The following ADGRD2 variants were observed in gnomAD, a reference collection of about 807,000 sequenced individuals.
ADGRD2 encodes adhesion G protein-coupled receptor D2.
A neutral mutation model predicts 44.4 loss-of-function variants in ADGRD2; 71 were observed. That is an observed-to-expected ratio of 1.60 (90% CI 1.32 to 1.95). ADGRD2 has a LOEUF of 1.95. Among genes scored for constraint, ADGRD2 ranks in the 30% most tolerant of loss-of-function variants. The pLI is 0.00. For synonymous variants in ADGRD2, 481 were observed against 224.8 expected, an observed-to-expected ratio of 2.14 and a Z score of -10.19; for missense variants, 1,039 against 512.4, an observed-to-expected ratio of 2.03 and a Z score of -9.92.
chr9:124,472,312 C>T (rs531819863), intron 17 of ADGRD2, among the ~76,000 whole-genome samples: 1 of 152,306 alleles, frequency 6.6e-6, no homozygotes, highest in South Asian at 2.1e-4. Context: ...TCCCCCTCTC[C>T]CTGTGCCCTT....
exon 3 of ADGRD2, chr9:124,453,089 C>T: frequency 2.9e-6 from 2 of 692,408 alleles, no homozygotes; most frequent in Non-Finnish European, 5.3e-6. Flanking sequence ...GACCGGGCGG[C>T]GCGGCTGCGG....
exon 8 of ADGRD2, chr9:124,457,511 C>T (rs548647130): frequency 8.8e-6 from 6 of 681,046 alleles, no homozygotes; most frequent in Admixed American, 2.1e-5. Context: ...GAGGCCAGCA[C>T]GAGGGGCTGC....
intron 16 of ADGRD2, among the ~76,000 whole-genome samples, chr9:124,470,277 G>A (rs753951360): frequency 1.3e-5 from 2 of 152,188 alleles, no homozygotes; most frequent in Non-Finnish European, 2.9e-5. Context: ...TCTCCCAAGT[G>A]CCGCTACCCT....
exon 14 of ADGRD2, chr9:124,468,592 G>T (rs746884301): frequency 2.8e-6 from 2 of 718,452 alleles, no homozygotes; most frequent in Non-Finnish European, 5.2e-6. Context: ...CTGGTGGAGG[G>T]GCTGCTGCTG....
In ADGRD2 at chr9:124,454,091, C is replaced by T. The variant is rs1326955060; in HGVS notation, c.1018C>T (p.Arg340Trp). Residue 340 changes from arginine (R) to tryptophan (W), a missense_variant, in exon 4 of 22, where the codon CGG (arginine) becomes TGG (tryptophan). Coordinates refer to ENST00000334810, the Ensembl canonical transcript of ADGRD2. This position sits in a 1 kb window ranked among gnomAD's most constrained non-coding sequence, Gnocchi z 4.5. ...GCCGCAGCCCTTCCTCTGCTGCTAC[C>T]GGACAGGTGCGCCCTGGCTGTACCC... The T allele has an allele frequency of 4.3e-6, 3 of 702,978 alleles. No homozygotes were observed. The highest frequency in any genetic ancestry group is 2.1e-5 in the Admixed American group (1 of 47,520). The allele number at this position is 702,978 out of a possible 1,614,324, so 43.5% of individuals were successfully genotyped here. A position where few individuals can be genotyped will look rare whatever the true frequency, so the allele number is the denominator to read the frequency against.
At chr9:124,467,896 T>G in intron 12 of ADGRD2, 72 bp downstream of exon 15, 1 of 711,984 alleles carries the variant, frequency 1.4e-6, no homozygotes, top group Non-Finnish European at 2.6e-6. Context: ...ATGTCCCCAT[T>G]GGTCGGGTGT....
chr9:124,464,583 G>A (rs1048815276), intron 10 of ADGRD2, among the ~76,000 whole-genome samples: 1 of 152,226 alleles, frequency 6.6e-6, no homozygotes, highest in Non-Finnish European at 1.5e-5. Flanking sequence ...TCCCCAGTCA[G>A]GACAGATGGC....
chr9:124,469,471 G>C, exon 16 of ADGRD2: 1 of 718,110 alleles, frequency 1.4e-6, no homozygotes, highest in Non-Finnish European at 2.6e-6. Flanking sequence ...AATGATCACC[G>C]TGTCCAGTGC....
chr9:124,470,608 C>T (rs1460580598), exon 17 of ADGRD2: 3 of 705,656 alleles, frequency 4.3e-6, no homozygotes, highest in Non-Finnish European at 7.8e-6. Context: ...GCCTCAACTC[C>T]ATCCAGGTAC....
chr9:124,476,588 G>T, intron 20 of ADGRD2, 91 bp from the exon 24 acceptor site: 1 of 642,576 alleles, frequency 1.6e-6, no homozygotes, highest in South Asian at 1.7e-5. Context: ...CTGGCGGCAA[G>T]CTGGCAGAGG....
intron 10 of ADGRD2, among the ~76,000 whole-genome samples, chr9:124,461,374 A>C (rs1480529190): frequency 6.6e-6 from 1 of 152,236 alleles, no homozygotes; most frequent in Non-Finnish European, 1.5e-5. Context: ...GCCAATCCCA[A>C]GGTCACAAAG....
At chr9:124,455,514 C>CA (rs1345792503) in intron 6 of ADGRD2, among the ~76,000 whole-genome samples, 1 of 151,966 alleles carries the variant, frequency 6.6e-6, no homozygotes, top group African/African-American at 2.4e-5. Context: ...CACTTAAACC[C>CA]AGGGGGCGGA....
In ADGRD2 at chr9:124,453,203, T is replaced by G. The variant is rs1364082356; in HGVS notation, c.452T>G (p.Leu151Arg). The change falls in exon 3 of 22, where the codon CTG becomes CGG. Residue 151 changes from leucine (L) to arginine (R), a missense_variant. Coordinates refer to ENST00000334810, the Ensembl canonical transcript of ADGRD2. ...CTCTTCTCCGTTGCCGCGCCCGCGC[T>G]GCCCAACGCGCTGCAGCTGCGCGCC... 8 of 659,648 alleles carry G rather than the reference T, an allele frequency of 1.2e-5. 1 individual carries two copies. Among genetic ancestry groups the G allele is most frequent in the African/African-American group, 1.1e-4 (6 of 52,714 alleles). 40.9% of individuals were successfully genotyped at this position (659,648 alleles called of 1,614,324 possible). A position where few individuals can be genotyped will look rare whatever the true frequency, so the allele number is the denominator to read the frequency against.
intron 17 of ADGRD2, among the ~76,000 whole-genome samples, chr9:124,472,767 C>G (rs1404668687): frequency 6.6e-6 from 1 of 152,228 alleles, no homozygotes; most frequent in Middle Eastern, 3.2e-3. Context: ...CTCGGCCTCC[C>G]AAAGTGCTGG....
upstream of ADGRD2, chr9:124,451,627 G>A: frequency 3.6e-6 from 1 of 275,128 alleles, no homozygotes; most frequent in African/African-American, 2.2e-5. Flanking sequence ...TGGCCTGCCT[G>A]TGACCCCTGC....
At chr9:124,469,905 C>T (rs1314182782) in intron 16 of ADGRD2, among the ~76,000 whole-genome samples, 9 of 152,174 alleles carry the variant, frequency 5.9e-5, no homozygotes. Context: ...TCAGGGTTAG[C>T]CCCAGAAGTT....
In ADGRD2 at chr9:124,470,318, G is replaced by C. The variant is rs139090761; in HGVS notation, c.2638-176G>C. On this transcript the variant is annotated intron_variant, in intron 16 of 21. Coordinates refer to ENST00000334810, the Ensembl canonical transcript of ADGRD2. ...ATGCCACCTCTGTCTCTGAGAACAG[G>C]GGGGGCAACAAAGTCCAGTCAAAGG... 3.1e-3 allele frequency among the ~76,000 whole-genome samples: 477 copies of C among 152,278 alleles called. 1 individual carries two copies. Among genetic ancestry groups the C allele is most frequent in the Admixed American group, 5.8e-3 (89 of 15,298 alleles).
At chr9:124,452,908 T>C (rs565796574) in intron 2 of ADGRD2, 127 bp from the exon 6 acceptor site, 2 of 604,270 alleles carry the variant, frequency 3.3e-6, no homozygotes, top group Admixed American at 2.9e-5. Flanking sequence ...CTAGCCCCCA[T>C]TTCCTCCTTC....
intron 10 of ADGRD2, among the ~76,000 whole-genome samples, chr9:124,461,903 G>A (rs1291065062): frequency 6.6e-6 from 1 of 151,694 alleles, no homozygotes; most frequent in Non-Finnish European, 1.5e-5. Context: ...ATGCCATCAC[G>A]CCTCATCAAT....
Sources: gnomAD v4.1 joint callset for allele counts (sites outside exome capture counted in the v4.1 genomes callset) on GRCh38, gnomAD v4.1.1 for gene constraint, Gnocchi (gnomAD v3.1) non-coding constraint, MANE v1.5 for transcripts, NCBI Gene and HGNC (gene_info 2026-07-23, HGNC 2026-07-21) for gene names.